The following TMX3 variants were observed in gnomAD, a reference collection of about 807,000 sequenced individuals.
The protein encoded by TMX3 is protein disulfide-isomerase TMX3.
Under a neutral mutation model 64.4 loss-of-function variants are expected in TMX3, and 40 were observed. That is an observed-to-expected ratio of 0.62 (90% CI 0.48 to 0.81). TMX3 has a LOEUF of 0.81. Among genes scored for constraint, TMX3 ranks in the 30% least tolerant of loss-of-function variants. TMX3 has a pLI of 0.00. For synonymous variants in TMX3, 189 were observed against 175.7 expected (o/e 1.08, Z -0.60); for missense variants, 497 against 534.5 (o/e 0.93, Z 0.69).
At chr18:68,714,003 C>A (rs1315033049) in intron 1 of TMX3, 103 bp from the exon 2 acceptor site, 1 of 639,930 alleles carries the variant, frequency 1.6e-6, no homozygotes, top group African/African-American at 1.9e-5. Context: ...CACAACCTAC[C>A]AAAAAATTCA....
chr18:68,707,021 T>C (rs2030743628), intron 4 of TMX3, among the ~76,000 whole-genome samples: 1 of 152,196 alleles, frequency 6.6e-6, no homozygotes. Context: ...CAAGTTACTG[T>C]TTGTCTCTTC....
At chr18:68,705,601 TC>T (rs1277653266) in intron 4 of TMX3, among the ~76,000 whole-genome samples, 1 of 152,138 alleles carries the variant, frequency 6.6e-6, no homozygotes, top group Non-Finnish European at 1.5e-5. Context: ...ATAATAAAGA[TC>T]AGCATGCCAC....
chr18:68,694,045 G>A (rs1914807776), intron 8 of TMX3, among the ~76,000 whole-genome samples: 1 of 152,152 alleles, frequency 6.6e-6, no homozygotes, highest in Admixed American at 6.5e-5. Context: ...GCTCAATGAA[G>A]CTCCTCTCCA....
intron 6 of TMX3, 70 bp from the exon 7 acceptor site, chr18:68,698,101 T>C (rs1915292777): frequency 3.1e-6 from 3 of 960,150 alleles, no homozygotes; most frequent in African/African-American, 3.3e-5. Flanking sequence ...ATTTATACTA[T>C]AACTAATCAT....
In TMX3 at chr18:68,691,278, A is replaced by G; in HGVS notation, c.637+17T>C. On this transcript the variant is annotated intron_variant, in intron 9 of 15. Transcript: ENST00000299608. ...AATTTTAAAATGTTTTACATGAGTT[A>G]AAGATTTGGAACTTACCATCATAAA... 7.7e-7 allele frequency: 1 copy of G among 1,296,330 alleles called. No individual in the cohort carries two copies. Among genetic ancestry groups the G allele is most frequent in the Non-Finnish European group, 1.1e-6 (1 of 948,960 alleles). The allele number at this position is 1,296,330 out of a possible 1,614,324, so 80.3% of individuals were successfully genotyped here. A position where few individuals can be genotyped will look rare whatever the true frequency, so the allele number is the denominator to read the frequency against.
At chr18:68,705,017 A>G (rs1343056799) in intron 4 of TMX3, among the ~76,000 whole-genome samples, 1 of 152,230 alleles carries the variant, frequency 6.6e-6, no homozygotes, top group Admixed American at 6.5e-5. Context: ...CTGTTTTAGT[A>G]TTTACTGAAT....
At chr18:68,694,437 C>T (rs1914855318) in intron 8 of TMX3, among the ~76,000 whole-genome samples, 2 of 152,188 alleles carry the variant, frequency 1.3e-5, no homozygotes, top group Admixed American at 6.5e-5. Flanking sequence ...CTGCCTTCCC[C>T]GTGGCAGCCA....
At chr18:68,685,153 T>C (rs1913821955) in intron 10 of TMX3, among the ~76,000 whole-genome samples, 1 of 152,186 alleles carries the variant, frequency 6.6e-6, no homozygotes, top group Non-Finnish European at 1.5e-5. Flanking sequence ...CTAGGCACCA[T>C]ACCAAGCCAC....
chr18:68,697,168 A>G (rs1393945303), intron 8 of TMX3, 58 bp downstream of exon 8: 1 of 879,672 alleles, frequency 1.1e-6, no homozygotes, highest in Non-Finnish European at 1.8e-6. Flanking sequence ...AGTTTATTAA[A>G]TCAAGTAATA....
intron 3 of TMX3, 69 bp from the exon 4 acceptor site, chr18:68,710,213 G>T: frequency 4.7e-6 from 6 of 1,275,958 alleles, no homozygotes; most frequent in Non-Finnish European, 6.2e-6. Context: ...CAGTAAATAT[G>T]AATCTTAATA....
chr18:68,703,543 T>C (rs1274203815), intron 4 of TMX3, among the ~76,000 whole-genome samples: 1 of 152,094 alleles, frequency 6.6e-6, no homozygotes, highest in East Asian at 1.9e-4. Context: ...TGGAGATCTA[T>C]CACCCAACCC....
chr18:68,711,083 T>C (rs979512921), intron 3 of TMX3, among the ~76,000 whole-genome samples: 2 of 152,206 alleles, frequency 1.3e-5, no homozygotes, highest in Non-Finnish European at 2.9e-5. Flanking sequence ...ATCATTAAGA[T>C]ATAATCCAAA....
At chr18:68,704,002 C>G (rs1463805269) in intron 4 of TMX3, among the ~76,000 whole-genome samples, 1 of 151,792 alleles carries the variant, frequency 6.6e-6, no homozygotes, top group Non-Finnish European at 1.5e-5. Flanking sequence ...CATAATGACC[C>G]CAGTTAGGAC....
intron 10 of TMX3, chr18:68,686,793 G>A (rs1341889134): frequency 4.1e-6 from 4 of 985,012 alleles, no homozygotes; most frequent in Non-Finnish European, 4.8e-6. Flanking sequence ...AGCTCCTTCT[G>A]TAAAGATAAG....
Position 68,700,312 on chromosome 18 carries a change from C to T in TMX3, c.392+93G>A, listed in dbSNP as rs186500294. 726 of 852,930 alleles carry T rather than the reference C, an allele frequency of 8.5e-4. 3 individuals carry two copies. Among genetic ancestry groups the T allele is most frequent in the Non-Finnish European group, 1.1e-3 (607 of 570,526 alleles). 52.8% of individuals were successfully genotyped at this position (852,930 alleles called of 1,614,324 possible). A position where few individuals can be genotyped will look rare whatever the true frequency, so the allele number is the denominator to read the frequency against. ...TCAAATAAATTTTACCTAGGTATGTCCTTAAAATATGTTTGTTCAATACAG... is the reference window on the plus strand; with the variant it reads ...TCAAATAAATTTTACCTAGGTATGTTCTTAAAATATGTTTGTTCAATACAG... On this transcript the variant is annotated intron_variant, in intron 6 of 15. Coordinates refer to ENST00000299608, the MANE Select transcript of TMX3 (RefSeq NM_019022.5).
chr18:68,709,553 C>T (rs1201679606), intron 4 of TMX3, among the ~76,000 whole-genome samples: 3 of 152,124 alleles, frequency 2.0e-5, no homozygotes, highest in African/African-American at 4.8e-5. Context: ...CTCTAGTACA[C>T]ACTCATTAAC....
rs1001193403 is a variant in TMX3, at chr18:68,708,061, ATATATGTG to A, written c.265+1952_265+1959del. The stretch of plus-strand genomic sequence containing the variant: ...TATATATGTGTATATATATGTGTAT[ATATATGTG>A]TATATGTGTATATATATGTGTGTAT... On this transcript the variant is annotated intron_variant, in intron 4 of 15. Transcript: ENST00000299608. 1.0e-3 allele frequency among the ~76,000 whole-genome samples: 150 copies of A among 149,904 alleles called. 2 individuals carry two copies. The East Asian group carries it at 0.015, about 15-fold the overall frequency.
At chr18:68,686,175 G>A (rs1020820203) in intron 10 of TMX3, among the ~76,000 whole-genome samples, 82 of 152,176 alleles carry the variant, frequency 5.4e-4, no homozygotes, top group African/African-American at 2.0e-3. Flanking sequence ...GGGGACAGGT[G>A]GGGGTGAAGG....
chr18:68,674,116 A>C lies in TMX3; in HGVS notation c.*2817T>G, dbSNP rs1912741624. 6.6e-6 allele frequency: 1 copy of C among 152,098 alleles called. No homozygotes were observed. Among genetic ancestry groups the C allele is most frequent in the African/African-American group, 2.4e-5 (1 of 41,428 alleles). The allele number at this position is 152,098 out of a possible 1,614,324, so 9.4% of individuals were successfully genotyped here. ...TAAACAAAAACAGTACTGCTAATTCACCTGCTCATATAGACCCTTCCTTCA... is the reference window on the plus strand; with the variant it reads ...TAAACAAAAACAGTACTGCTAATTCCCCTGCTCATATAGACCCTTCCTTCA... On this transcript the variant is annotated 3_prime_UTR_variant, in exon 16 of 16. Coordinates refer to ENST00000299608, the MANE Select transcript of TMX3 (RefSeq NM_019022.5).
Sources: gnomAD v4.1 joint callset for allele counts (sites outside exome capture counted in the v4.1 genomes callset) on GRCh38, gnomAD v4.1.1 for gene constraint, MANE v1.5 for transcripts, NCBI Gene and HGNC (gene_info 2026-07-23, HGNC 2026-07-21) for gene names.